Variants in SLIT2 observed in about 807,000 individuals in gnomAD.
SLIT2 encodes slit homolog 2 protein.
In SLIT2, 41 loss-of-function variants were observed where a neutral mutation model predicts 185.7. That is an observed-to-expected ratio of 0.22 (90% CI 0.17 to 0.29). SLIT2 has a LOEUF of 0.29. Among genes scored for constraint, SLIT2 ranks in the 10% least tolerant of loss-of-function variants. The pLI is 1.00. For synonymous variants in SLIT2, 693 were observed against 680.2 expected, an observed-to-expected ratio of 1.02 and a Z score of -0.29; for missense variants, 1,571 against 1,909.0, an observed-to-expected ratio of 0.82 and a Z score of 3.30.
chr4:20,428,569 AG>A (rs1357360401), intron 4 of SLIT2, among the ~76,000 whole-genome samples: 1 of 152,202 alleles, frequency 6.6e-6, no homozygotes, highest in Non-Finnish European at 1.5e-5. Context: ...CACACTAAAA[AG>A]GTTGGGTTCT....
intron 4 of SLIT2, among the ~76,000 whole-genome samples, chr4:20,446,167 G>C (rs1273575344): frequency 6.6e-6 from 1 of 152,120 alleles, no homozygotes; most frequent in Non-Finnish European, 1.5e-5. Context: ...TTTTCTCAGT[G>C]GTTTGCCCAC....
chr4:20,411,303 G>A (rs1038217634), intron 4 of SLIT2, among the ~76,000 whole-genome samples: 22 of 152,176 alleles, frequency 1.4e-4, no homozygotes, highest in African/African-American at 5.1e-4. Context: ...CACTTACTAT[G>A]CATCTAGCAT....
chr4:20,432,011 G>T (rs1210604160), intron 4 of SLIT2, among the ~76,000 whole-genome samples: 1 of 150,836 alleles, frequency 6.6e-6, no homozygotes, highest in Non-Finnish European at 1.5e-5. Context: ...CTGTGTGTGT[G>T]TGTGCTTGTG....
chr4:20,516,660 C>A (rs1306008165), intron 11 of SLIT2, among the ~76,000 whole-genome samples: 1 of 152,126 alleles, frequency 6.6e-6, no homozygotes, highest in Non-Finnish European at 1.5e-5. Flanking sequence ...ACTTCTCTAT[C>A]CTGGTCTTTG....
intron 4 of SLIT2, among the ~76,000 whole-genome samples, chr4:20,388,913 AAT>A (rs1273484034): frequency 3.4e-5 from 5 of 145,442 alleles, no homozygotes; most frequent in Non-Finnish European, 7.5e-5. Context: ...ATATACATAT[AAT>A]ATATATAATA....
At chr4:20,370,442 T>C (rs1723476865) in intron 4 of SLIT2, among the ~76,000 whole-genome samples, 1 of 152,110 alleles carries the variant, frequency 6.6e-6, no homozygotes, top group Non-Finnish European at 1.5e-5. Flanking sequence ...TTTGAATAAA[T>C]GCTCTTCTAT....
chr4:20,321,590 G>C (rs1719091279), intron 4 of SLIT2, among the ~76,000 whole-genome samples: 1 of 152,182 alleles, frequency 6.6e-6, no homozygotes, highest in African/African-American at 2.4e-5. Flanking sequence ...ATGCCTTTCT[G>C]AGAGAATCCA....
chr4:20,468,810 T>C (rs1157696837), intron 5 of SLIT2, among the ~76,000 whole-genome samples: 2 of 151,728 alleles, frequency 1.3e-5, no homozygotes, highest in Non-Finnish European at 2.9e-5. Flanking sequence ...TTTTCAAGAA[T>C]TAACTTATAT....
rs147376097 is a variant in SLIT2 at position 20,575,782 on chromosome 4, G to A, written c.3088+6778G>A. 7.3e-3 allele frequency among the ~76,000 whole-genome samples: 1,112 copies of A among 152,092 alleles called. 11 individuals carry two copies. Among genetic ancestry groups the A allele is most frequent in the African/African-American group, 0.025 (1,029 of 41,484 alleles). On this transcript the variant is annotated intron_variant, in intron 29 of 36. Coordinates refer to ENST00000504154, the MANE Select transcript of SLIT2 (RefSeq NM_004787.4). Reference sequence around the variant, plus strand: ...CACAAAATTCAAGTGCAGCCAAGCCGTCTATTTTATCTAGATAGGAAAAAA... The same window carrying A: ...CACAAAATTCAAGTGCAGCCAAGCCATCTATTTTATCTAGATAGGAAAAAA...
chr4:20,279,961 C>G (rs1438445790), intron 4 of SLIT2, among the ~76,000 whole-genome samples: 3 of 152,022 alleles, frequency 2.0e-5, no homozygotes, highest in Non-Finnish European at 4.4e-5. Context: ...GGAAATTAAG[C>G]CTGAGAAAGA....
rs978272398 is a variant in SLIT2 at position 20,525,089 on chromosome 4, A to T, written c.1439-60A>T. The T allele has an allele frequency of 9.7e-6, 12 of 1,235,850 alleles. No homozygotes were observed. The Admixed American group carries it at 2.0e-4, about 21-fold the overall frequency. The allele number at this position is 1,235,850 out of a possible 1,614,324, so 76.6% of individuals were successfully genotyped here. On this transcript the variant is annotated intron_variant, in intron 14 of 36. Transcript: ENST00000504154. Reference sequence around the variant, plus strand: ...GTCCATTCTTAATCTAATATAACTCATATCTCTGCTTGCTGACATTCAGGT... The same window carrying T: ...GTCCATTCTTAATCTAATATAACTCTTATCTCTGCTTGCTGACATTCAGGT...
intron 36 of SLIT2, 33 bp from the exon 37 acceptor site, chr4:20,618,735 C>A: frequency 1.3e-6 from 2 of 1,554,138 alleles, no homozygotes; most frequent in South Asian, 2.4e-5. Flanking sequence ...AGTGACTGTT[C>A]TTAAAATGCT....
At chr4:20,463,487 A>G (rs1355146191) in intron 4 of SLIT2, among the ~76,000 whole-genome samples, 1,780 of 90,202 alleles carry the variant, frequency 0.02, 42 homozygotes, top group African/African-American at 0.033. Flanking sequence ...ATATATATAT[A>G]TATATGTGTG....
chr4:20,463,491 A>ATATGTGTGTGTG (rs1491274435), intron 4 of SLIT2, among the ~76,000 whole-genome samples: 1 of 96,232 alleles, frequency 1.0e-5, no homozygotes, highest in African/African-American at 4.6e-5. Context: ...ATATATATAT[A>ATATGTGTGTGTG]TGTGTGTGTG....
intron 29 of SLIT2, among the ~76,000 whole-genome samples, chr4:20,586,955 A>G (rs1488766342): frequency 1.3e-5 from 2 of 152,204 alleles, no homozygotes; most frequent in African/African-American, 4.8e-5. Context: ...CAAGTTAGGC[A>G]GTAATTGGAT....
chr4:20,285,487 A>C (rs1715174694), intron 4 of SLIT2, among the ~76,000 whole-genome samples: 1 of 152,242 alleles, frequency 6.6e-6, no homozygotes. Flanking sequence ...TGACACTGAT[A>C]CTTCATATGT....
At chr4:20,494,618 A>G (rs1718062772) in intron 9 of SLIT2, among the ~76,000 whole-genome samples, 1 of 152,008 alleles carries the variant, frequency 6.6e-6, no homozygotes, top group South Asian at 2.1e-4. Context: ...CTACTAAAAA[A>G]TACAACAAAA....
chr4:20,549,170 A>G, intron 24 of SLIT2, 42 bp downstream of exon 24: 2 of 1,261,804 alleles, frequency 1.6e-6, no homozygotes, highest in Non-Finnish European at 1.2e-6. Flanking sequence ...TTTCTCAGAG[A>G]TCTGAGTTTG....
chr4:20,371,936 T>C (rs1252253621), intron 4 of SLIT2, among the ~76,000 whole-genome samples: 1 of 152,098 alleles, frequency 6.6e-6, no homozygotes, highest in Non-Finnish European at 1.5e-5. Flanking sequence ...TAGGAAGAAC[T>C]TGATGGAAAG....
Sources: allele counts gnomAD v4.1 joint callset (sites outside exome capture counted in the v4.1 genomes callset), GRCh38; gene constraint gnomAD v4.1.1; transcripts MANE v1.5; gene names NCBI Gene and HGNC (gene_info 2026-07-23, HGNC 2026-07-21).